The following DPY19L2 variants were observed in gnomAD, a reference collection of about 807,000 sequenced individuals.
DPY19L2 encodes probable C-mannosyltransferase DPY19L2.
Under a neutral mutation model 97.9 loss-of-function variants are expected in DPY19L2, and 34 were observed. The ratio of observed to expected loss-of-function variants is 0.35; its 90% confidence interval spans 0.26 to 0.46. The LOEUF is 0.46. Ranked by LOEUF, DPY19L2 falls within the 20% of genes least tolerant of loss-of-function variation. The pLI is 1.00. For synonymous variants in DPY19L2, 230 were observed against 307.9 expected, an observed-to-expected ratio of 0.75 and a Z score of 2.65; for missense variants, 623 against 911.4, an observed-to-expected ratio of 0.68 and a Z score of 4.07.
intron 4 of DPY19L2, among the ~76,000 whole-genome samples, chr12:63,657,597 C>T (rs1895136165): frequency 6.6e-6 from 1 of 151,890 alleles, no homozygotes; most frequent in South Asian, 2.1e-4. Context: ...ACCAGCTTCA[C>T]TGGATACCCA....
At chr12:63,625,970 A>G (rs1444453047) in intron 7 of DPY19L2, among the ~76,000 whole-genome samples, 1 of 139,450 alleles carries the variant, frequency 7.2e-6, no homozygotes, top group African/African-American at 2.5e-5. Flanking sequence ...TTTATAAAAT[A>G]TAACTATAAT....
In DPY19L2 at chr12:63,640,240, T is replaced by C. The variant is rs146623534; in HGVS notation, c.803+4163A>G. On this transcript the variant is annotated intron_variant, in intron 6 of 21. Coordinates refer to ENST00000324472, the MANE Select transcript of DPY19L2 (RefSeq NM_173812.5). ...GAAGGAGGGATAGCATTAGGAGATATACCTAATGTAAATGACGAGTTATTG... is the reference window on the plus strand; with the variant it reads ...GAAGGAGGGATAGCATTAGGAGATACACCTAATGTAAATGACGAGTTATTG... 2.7e-3 allele frequency among the ~76,000 whole-genome samples: 415 copies of C among 152,240 alleles called. 2 individuals carry two copies. Among genetic ancestry groups the C allele is most frequent in the Middle Eastern group, 0.024 (7 of 294 alleles).
intron 6 of DPY19L2, among the ~76,000 whole-genome samples, chr12:63,641,861 T>C (rs7972235): frequency 0.69 from 105,453 of 151,962 alleles, 37,172 homozygotes; most frequent in African/African-American, 0.8. Context: ...ATATCTTGAA[T>C]GTTATCAGAT....
chr12:63,627,663 T>C (rs1246756114), intron 6 of DPY19L2, among the ~76,000 whole-genome samples: 8 of 152,190 alleles, frequency 5.3e-5, no homozygotes, highest in Admixed American at 5.2e-4. Flanking sequence ...AACCATTTCT[T>C]AAATTGCCTT....
intron 11 of DPY19L2, among the ~76,000 whole-genome samples, chr12:63,611,379 T>A (rs1886984973): frequency 6.6e-6 from 1 of 151,334 alleles, no homozygotes; most frequent in Admixed American, 6.6e-5. Flanking sequence ...AAGGTAAAAG[T>A]CACAAAGCCT....
At chr12:63,599,985 C>T (rs1884870548) in intron 13 of DPY19L2, among the ~76,000 whole-genome samples, 1 of 152,082 alleles carries the variant, frequency 6.6e-6, no homozygotes, top group Non-Finnish European at 1.5e-5. Context: ...TTAACATCTG[C>T]AATAAATGGA....
intron 5 of DPY19L2, among the ~76,000 whole-genome samples, chr12:63,645,425 C>G (rs1159210932): frequency 6.6e-6 from 1 of 152,076 alleles, no homozygotes; most frequent in Non-Finnish European, 1.5e-5. Context: ...GAAATTCTTC[C>G]ACATCCACAG....
intron 7 of DPY19L2, 102 bp downstream of exon 7, chr12:63,626,367 A>G (rs1436683045): frequency 1.2e-5 from 16 of 1,284,684 alleles, no homozygotes; most frequent in African/African-American, 1.6e-5. Flanking sequence ...AATATTGTGA[A>G]GTCATAAGTA....
At chr12:63,624,692 C>A (rs1025406588) in intron 7 of DPY19L2, among the ~76,000 whole-genome samples, 1 of 152,074 alleles carries the variant, frequency 6.6e-6, no homozygotes, top group Non-Finnish European at 1.5e-5. Context: ...TTGGGAACTA[C>A]AAATGTGATG....
intron 19 of DPY19L2, among the ~76,000 whole-genome samples, chr12:63,577,196 C>G (rs1203738807): frequency 2.6e-5 from 4 of 152,000 alleles, no homozygotes; most frequent in Non-Finnish European, 5.9e-5. Context: ...AGGGCAATCT[C>G]TTCAATAAAT....
intron 4 of DPY19L2, among the ~76,000 whole-genome samples, chr12:63,659,401 T>C (rs561084269): frequency 2.0e-5 from 3 of 151,336 alleles, no homozygotes; most frequent in African/African-American, 7.3e-5. Flanking sequence ...GATTGGAAAA[T>C]TCAATATTGT....
chr12:63,593,903 T>C (rs1349938891), intron 16 of DPY19L2, among the ~76,000 whole-genome samples, 184 bp downstream of exon 16: 1 of 152,096 alleles, frequency 6.6e-6, no homozygotes, highest in Non-Finnish European at 1.5e-5. Flanking sequence ...CCAAAACAAG[T>C]CCAAATACAT....
chr12:63,563,555 C>G, intron 21 of DPY19L2, among the ~76,000 whole-genome samples: 1 of 152,268 alleles, frequency 6.6e-6, no homozygotes, highest in Non-Finnish European at 1.5e-5. Context: ...ACTATGGTGA[C>G]TTCACTTGAT....
At position 63,560,619 on chromosome 12, in the gene DPY19L2, A is replaced by C; in HGVS notation, c.2170T>G (p.Ser724Ala). The change falls in exon 22 of 22, where the codon TCC becomes GCC. Residue 724 changes from serine to alanine, a missense_variant. Around this residue, in one of 6 missense-constraint regions of DPY19L2, gnomAD observed 294 missense variants for 446.2 expected, o/e 0.66. Transcript: ENST00000324472. ...MLEIWDVEDP[S>A]NAANPPLCSV... ...CATAAGGGAGGGTTAGCTGCATTGGAAGGGTCTTCCACATCCCAGATTTCA... is the reference window on the plus strand; with the variant it reads ...CATAAGGGAGGGTTAGCTGCATTGGCAGGGTCTTCCACATCCCAGATTTCA... The C allele has an allele frequency of 6.2e-7, 1 of 1,614,062 alleles. No individual in the cohort carries two copies. Among genetic ancestry groups the C allele is most frequent in the Non-Finnish European group, 8.5e-7 (1 of 1,179,942 alleles).
At chr12:63,661,074 G>T (rs1251519842) in intron 4 of DPY19L2, 3 of 209,630 alleles carry the variant, frequency 1.4e-5, no homozygotes, top group Non-Finnish European at 2.8e-5. Context: ...GAACTTTTTG[G>T]CTCCCATGAC....
At chr12:63,604,524 T>C (rs1288704102) in intron 12 of DPY19L2, among the ~76,000 whole-genome samples, 2 of 152,134 alleles carry the variant, frequency 1.3e-5, no homozygotes, top group East Asian at 3.9e-4. Context: ...CCGAAGGCTC[T>C]GTCCTTTTTC....
chr12:63,632,080 T>G (rs1317911596), intron 6 of DPY19L2, among the ~76,000 whole-genome samples: 4 of 152,134 alleles, frequency 2.6e-5, no homozygotes, highest in African/African-American at 9.7e-5. Flanking sequence ...TAATAAGAGC[T>G]ATCTATGACA....
chr12:63,619,692 A>C (rs906896384), intron 9 of DPY19L2, among the ~76,000 whole-genome samples: 11 of 152,018 alleles, frequency 7.2e-5, no homozygotes, highest in Non-Finnish European at 1.3e-4. Flanking sequence ...TTTAGTAGAG[A>C]TGGGGTTTCA....
In DPY19L2 at chr12:63,641,808, G is replaced by A. The variant is rs529433921; in HGVS notation, c.803+2595C>T. Reference sequence around the variant, plus strand: ...GTACACACATGCAAGACTTTTTTGGGAATATATACTTTAAATTAGAATTAC... The same window carrying A: ...GTACACACATGCAAGACTTTTTTGGAAATATATACTTTAAATTAGAATTAC... On this transcript the variant is annotated intron_variant, in intron 6 of 21. Transcript: ENST00000324472. Among the ~76,000 whole-genome samples, 7 of 152,164 alleles carry A rather than the reference G, an allele frequency of 4.6e-5. 1 individual carries two copies. The highest frequency in any genetic ancestry group is 1.7e-4 in the African/African-American group (7 of 41,534).
Sources: gnomAD v4.1 joint callset for allele counts (sites outside exome capture counted in the v4.1 genomes callset) on GRCh38, gnomAD v4.1.1 for gene constraint, gnomAD v4.1.1 regional missense constraint, MANE v1.5 for transcripts, NCBI Gene and HGNC (gene_info 2026-07-23, HGNC 2026-07-21) for gene names.